The following SHISA9 variants were observed in gnomAD, a reference collection of about 807,000 sequenced individuals.
SHISA9 encodes the protein shisa family member 9.
In SHISA9, 13 loss-of-function variants were observed where a neutral mutation model predicts 38.0. The ratio of observed to expected loss-of-function variants is 0.34; its 90% CI spans 0.22 to 0.54. The LOEUF is 0.54. Among genes scored for constraint, SHISA9 ranks in the 20% least tolerant of loss-of-function variants. The pLI, the probability that SHISA9 is intolerant of heterozygous loss-of-function variation, is 0.91. For synonymous variants in SHISA9, 275 were observed against 242.0 expected, an observed-to-expected ratio of 1.14 and a Z score of -1.27; for missense variants, 538 against 575.8, an observed-to-expected ratio of 0.93 and a Z score of 0.67.
intron 2 of SHISA9, among the ~76,000 whole-genome samples, chr16:13,123,786 G>C (rs923585577): frequency 6.6e-6 from 1 of 152,222 alleles, no homozygotes; most frequent in Non-Finnish European, 1.5e-5. Context: ...CTAACAGTGG[G>C]ACTATGGGAG....
At chr16:12,908,438 T>G in intron 1 of SHISA9, 9 of 1,550,298 alleles carry the variant, frequency 5.8e-6, no homozygotes, top group Non-Finnish European at 7.9e-6. Flanking sequence ...AGCTTATGTG[T>G]AAATTCTCGT....
chr16:13,264,470 C>T, the SHISA9 span, among the ~76,000 whole-genome samples: 4 of 152,026 alleles, frequency 2.6e-5, no homozygotes, highest in Non-Finnish European at 5.9e-5. Context: ...ACCGTGCTGG[C>T]CTGTTTTAAA....
At chr16:13,081,641 TCTC>T (rs1187605791) in intron 2 of SHISA9, among the ~76,000 whole-genome samples, 3 of 152,002 alleles carry the variant, frequency 2.0e-5, no homozygotes, top group African/African-American at 7.2e-5. Context: ...AGAGCGCTTG[TCTC>T]CTCCTAGGCA....
At position 12,902,105 on chromosome 16, in the gene SHISA9, C is replaced by A; in HGVS notation, c.41C>A (p.Thr14Asn). ...VLRLLLGCFLTELCARVCRAQ... is the reference protein window; with the variant it reads ...VLRLLLGCFLNELCARVCRAQ... ...CGGCTGCTCCTCGGTTGCTTCCTCA[C>A]CGAGCTGTGCGCCCGCGTGTGCCGG... Residue 14 changes from threonine to asparagine, a missense_variant, in exon 1 of 5, where the codon ACC becomes AAC. Physicochemically the swap from Thr to Asn is moderately conservative, Grantham distance 65. This residue lies in a region of SHISA9 where 107 missense variants were observed against 103.0 expected (regional missense o/e 1.04). Coordinates refer to ENST00000558583, the MANE Select transcript of SHISA9 (RefSeq NM_001145204.3). The A allele has an allele frequency of 6.7e-7, 1 of 1,498,892 alleles. No homozygotes were observed. The highest frequency in any genetic ancestry group is 8.8e-7 in the Non-Finnish European group (1 of 1,132,640). The allele number at this position is 1,498,892 out of a possible 1,614,324, so 92.8% of individuals were successfully genotyped here. A position where few individuals can be genotyped will look rare whatever the true frequency, so the allele number is the denominator to read the frequency against.
chr16:12,918,154 ACCAG>A (rs1596528535), intron 2 of SHISA9, among the ~76,000 whole-genome samples: 3 of 152,212 alleles, frequency 2.0e-5, no homozygotes, highest in African/African-American at 7.2e-5. Flanking sequence ...AACAAAATAC[ACCAG>A]CAAATGGAAG....
At chr16:13,390,367 G>T in the SHISA9 span, among the ~76,000 whole-genome samples, 7 of 152,094 alleles carry the variant, frequency 4.6e-5, no homozygotes, top group Admixed American at 2.6e-4. Flanking sequence ...TGTGTTTGTT[G>T]GGCCTGTCTA....
chr16:13,043,645 C>A (rs1005995723), intron 2 of SHISA9, among the ~76,000 whole-genome samples: 6 of 152,218 alleles, frequency 3.9e-5, no homozygotes, highest in Admixed American at 6.5e-5. Context: ...CTTGAACTCA[C>A]TGTCCTGATA....
At chr16:13,023,468 C>T (rs995574060) in intron 2 of SHISA9, among the ~76,000 whole-genome samples, 4 of 152,030 alleles carry the variant, frequency 2.6e-5, no homozygotes, top group Admixed American at 6.6e-5. Context: ...TGAATAGTGC[C>T]GCAATAAACA....
intron 2 of SHISA9, among the ~76,000 whole-genome samples, chr16:13,104,556 G>T (rs1026052825): frequency 6.6e-6 from 1 of 152,148 alleles, no homozygotes; most frequent in Admixed American, 6.5e-5. Context: ...CTACAACATG[G>T]GTGATCCTCA....
intron 2 of SHISA9, among the ~76,000 whole-genome samples, chr16:13,062,652 G>A (rs12596172): frequency 0.12 from 18,220 of 152,164 alleles, 1,316 homozygotes; most frequent in Middle Eastern, 0.18. Context: ...CCTGGAGTAG[G>A]GGGAGGGGAG....
chr16:13,530,852 T>A, the SHISA9 span, among the ~76,000 whole-genome samples: 14 of 152,332 alleles, frequency 9.2e-5, no homozygotes, highest in African/African-American at 3.1e-4. Flanking sequence ...GGAATGGTCA[T>A]GTGACACAAC....
At chr16:13,296,404 G>C in the SHISA9 span, among the ~76,000 whole-genome samples, 2 of 151,308 alleles carry the variant, frequency 1.3e-5, no homozygotes, top group African/African-American at 4.9e-5. Flanking sequence ...TGCTGTGCGT[G>C]CTGTTTTTGA....
the SHISA9 span, among the ~76,000 whole-genome samples, chr16:13,532,215 T>C: frequency 3.6e-3 from 541 of 152,316 alleles, 1 homozygote; most frequent in African/African-American, 0.012. Context: ...GTATAGGTTG[T>C]TAACCCCCAA....
the SHISA9 span, among the ~76,000 whole-genome samples, chr16:13,258,064 A>G: frequency 6.6e-6 from 1 of 152,212 alleles, no homozygotes; most frequent in Non-Finnish European, 1.5e-5. Context: ...AGAAAATCTT[A>G]GCATCTGTAA....
rs143726978 is a variant in SHISA9, at chr16:12,908,218, G to T, written c.563+5591G>T. ...GAATTATGTTGTCATCTGGATCTCG[G>T]TTACTAACCCTTGCTCTGCTATATT... is the stretch of plus-strand genomic sequence containing the variant. On this transcript the variant is annotated intron_variant, in intron 1 of 4. Transcript: ENST00000558583. 3.3e-5 allele frequency among the ~76,000 whole-genome samples: 5 copies of T among 152,210 alleles called. No individual in the cohort carries two copies. The East Asian group carries it at 9.6e-4, about 29-fold the overall frequency.
At chr16:13,353,318 G>C in the SHISA9 span, among the ~76,000 whole-genome samples, 1 of 152,182 alleles carries the variant, frequency 6.6e-6, no homozygotes, top group Non-Finnish European at 1.5e-5. Context: ...AGAAAAACAG[G>C]TATAAAAGGT....
the SHISA9 span, among the ~76,000 whole-genome samples, chr16:13,351,324 G>A: frequency 2.0e-5 from 3 of 152,112 alleles, no homozygotes; most frequent in Admixed American, 1.3e-4. Context: ...GCTGCTCCCA[G>A]GTAAACATAC....
intron 2 of SHISA9, among the ~76,000 whole-genome samples, chr16:13,175,035 G>A (rs1389960621): frequency 6.6e-6 from 1 of 152,062 alleles, no homozygotes; most frequent in African/African-American, 2.4e-5. Context: ...GCTGCCTATC[G>A]GATGCTAGCT....
intron 4 of SHISA9, among the ~76,000 whole-genome samples, chr16:13,219,582 C>G (rs9939828): frequency 1.3e-5 from 2 of 152,126 alleles, no homozygotes; most frequent in Non-Finnish European, 1.5e-5. Context: ...CTCTGATTAC[C>G]TTACCTTGTC....
Sources: gnomAD v4.1 joint callset for allele counts (sites outside exome capture counted in the v4.1 genomes callset) on GRCh38, gnomAD v4.1.1 for gene constraint, gnomAD v4.1.1 regional missense constraint, MANE v1.5 for transcripts, NCBI Gene and HGNC (gene_info 2026-07-23, HGNC 2026-07-21) for gene names.